GGACT: variants seen among roughly 807,000 people sequenced by gnomAD.
GGACT encodes gamma-glutamylaminecyclotransferase.
For missense variants in GGACT, 241 were observed against 233.2 expected (o/e 1.03, Z -0.22); for synonymous variants, 118 against 115.3 (o/e 1.02, Z -0.15).
At chr13:100,587,677 T>C (rs1875620777) in intron 1 of GGACT, among the ~76,000 whole-genome samples, 1 of 152,204 alleles carries the variant, frequency 6.6e-6, no homozygotes, top group African/African-American at 2.4e-5. Flanking sequence ...TCACCTTTAG[T>C]TTTTCATTAA....
intron 2 of GGACT, among the ~76,000 whole-genome samples, chr13:100,557,311 T>C (rs2088717429): frequency 6.6e-6 from 1 of 152,238 alleles, no homozygotes; most frequent in Non-Finnish European, 1.5e-5. Context: ...GATATGGAAT[T>C]AGTGGTGCGG....
intron 2 of GGACT, among the ~76,000 whole-genome samples, chr13:100,569,692 T>C (rs1221836364): frequency 6.6e-6 from 1 of 152,234 alleles, no homozygotes; most frequent in Non-Finnish European, 1.5e-5. Flanking sequence ...TGCAGTGGGC[T>C]TGAATTTCTC....
intron 2 of GGACT, among the ~76,000 whole-genome samples, chr13:100,551,629 A>C (rs1349613464): frequency 6.6e-6 from 1 of 152,146 alleles, no homozygotes; most frequent in African/African-American, 2.4e-5. Context: ...GGGTCCCCTA[A>C]AATCCAGGAC....
intron 2 of GGACT, among the ~76,000 whole-genome samples, chr13:100,575,976 A>G (rs1328798600): frequency 6.6e-6 from 1 of 152,230 alleles, no homozygotes; most frequent in East Asian, 1.9e-4. Flanking sequence ...TGAAATGCAT[A>G]TAATGAATGG....
intron 2 of GGACT, among the ~76,000 whole-genome samples, chr13:100,575,762 TAAAC>T (rs541563194): frequency 1.4e-4 from 22 of 152,296 alleles, no homozygotes; most frequent in African/African-American, 3.9e-4. Flanking sequence ...AGACCCTGTC[TAAAC>T]AAACAAACAA....
Position 100,550,299 on chromosome 13 carries a change from T to TACACACACAC in GGACT, c.-10-17708_-10-17699dup, listed in dbSNP as rs755235689. On this transcript the variant is annotated intron_variant, in intron 2 of 2. Coordinates refer to ENST00000683975, the MANE Select transcript of GGACT (RefSeq NM_001195087.2). ...AATTAAATCCGAGCCGATTATACTCTACACACACACACACACACACACACA... is the reference window on the plus strand; with the variant it reads ...AATTAAATCCGAGCCGATTATACTCTACACACACACACACACACACACACACACACACACA... Among the ~76,000 whole-genome samples the TACACACACAC allele has an allele frequency of 7.0e-4, 19 of 27,268 alleles. 1 individual carries two copies. The highest frequency in any genetic ancestry group is 1.2e-3 in the Admixed American group (3 of 2,578). 17.9% of individuals were successfully genotyped at this position (27,268 alleles called of 152,430 possible).
chr13:100,579,967 C>G (rs764159171), intron 2 of GGACT: 1 of 152,290 alleles, frequency 6.6e-6, no homozygotes, highest in Admixed American at 6.5e-5. Context: ...GGAATTCACA[C>G]GTGGAACTTA....
chr13:100,566,747 C>T (rs1874898789), intron 2 of GGACT, among the ~76,000 whole-genome samples: 2 of 152,240 alleles, frequency 1.3e-5, no homozygotes, highest in South Asian at 2.1e-4. Flanking sequence ...CCCACAAAGA[C>T]ATCTGATCTC....
At position 100,583,943 on chromosome 13, in the gene GGACT, C is replaced by T. The variant is rs1875490761; in HGVS notation, c.-129G>A. 6.6e-6 allele frequency: 1 copy of T among 152,180 alleles called. No homozygotes were observed. Among genetic ancestry groups the T allele is most frequent in the Non-Finnish European group, 1.5e-5 (1 of 68,032 alleles). 9.4% of individuals were successfully genotyped at this position (152,180 alleles called of 1,614,324 possible). On this transcript the variant is annotated 5_prime_UTR_variant, in exon 2 of 3. Coordinates refer to ENST00000683975, the MANE Select transcript of GGACT (RefSeq NM_001195087.2). ...CACATGATTCAAGAAAAAGTTAAGT[C>T]CACTTCACAGGGTGACCAGAAAGTC...
At chr13:100,549,728 GA>G (rs1217844896) in intron 2 of GGACT, among the ~76,000 whole-genome samples, 6 of 152,154 alleles carry the variant, frequency 3.9e-5, no homozygotes, top group African/African-American at 1.4e-4. Context: ...TAACTACCTG[GA>G]GATCATATAG....
intron 2 of GGACT, among the ~76,000 whole-genome samples, chr13:100,542,938 G>A (rs1044845894): frequency 6.6e-6 from 1 of 152,194 alleles, no homozygotes; most frequent in African/African-American, 2.4e-5. Context: ...CACTGAAGCA[G>A]AACTTGAAAG....
chr13:100,562,383 C>T (rs1454170011), intron 2 of GGACT, among the ~76,000 whole-genome samples: 2 of 152,208 alleles, frequency 1.3e-5, no homozygotes, highest in Non-Finnish European at 2.9e-5. Context: ...AAGGATCATG[C>T]CTGGCACCTC....
At chr13:100,541,118 C>T (rs11840757) in intron 2 of GGACT, among the ~76,000 whole-genome samples, 3,552 of 152,286 alleles carry the variant, frequency 0.023, 142 homozygotes, top group African/African-American at 0.08. Context: ...CTGAGTTTTT[C>T]CAGATTAAAA....
chr13:100,533,264 C>G (rs1374586005), intron 2 of GGACT: 1 of 154,682 alleles, frequency 6.5e-6, no homozygotes, highest in African/African-American at 2.4e-5. Context: ...TACCCCTGCT[C>G]CTGAGCCCAG....
At position 100,558,481 on chromosome 13, in the gene GGACT, T is replaced by C. The variant is rs1293266852; in HGVS notation, c.-11+25344A>G. ...AGAGATACCATTAGAGTGGCTAACA[T>C]TGAAGACTATTAATACCAAGTGTTG... On this transcript the variant is annotated intron_variant, in intron 2 of 2. Coordinates refer to ENST00000683975, the MANE Select transcript of GGACT (RefSeq NM_001195087.2). 5.3e-5 allele frequency among the ~76,000 whole-genome samples: 8 copies of C among 152,330 alleles called. No individual in the cohort carries two copies. The South Asian group carries it at 1.0e-3, about 20-fold the overall frequency.
rs1341184308 is a variant in GGACT at position 100,531,520 on chromosome 13, CG to C, written c.*609del. 1 of 152,168 alleles carries C rather than the reference CG, an allele frequency of 6.6e-6. No individual in the cohort carries two copies. Among genetic ancestry groups the C allele is most frequent in the Non-Finnish European group, 1.5e-5 (1 of 68,024 alleles). 9.4% of individuals were successfully genotyped at this position (152,168 alleles called of 1,614,324 possible). On this transcript the variant is annotated 3_prime_UTR_variant, in exon 3 of 3. Transcript: ENST00000683975. The stretch of plus-strand genomic sequence containing the variant: ...TCTACCAAATAAGTATACCAAAAAA[CG>C]TGGGGGTCAAACACAGTACCAACAC...
intron 2 of GGACT, among the ~76,000 whole-genome samples, chr13:100,574,434 G>C (rs758765519): frequency 2.0e-5 from 3 of 152,112 alleles, no homozygotes; most frequent in Non-Finnish European, 2.9e-5. Flanking sequence ...AAATTAGCTG[G>C]GTGTGGTGGT....
At chr13:100,578,518 G>A (rs140318222) in intron 2 of GGACT, among the ~76,000 whole-genome samples, 61 of 152,266 alleles carry the variant, frequency 4.0e-4, no homozygotes, top group Middle Eastern at 3.4e-3. Context: ...CCGGAACCCT[G>A]GTTCTGCTGG....
chr13:100,532,644 C>T lies in GGACT; in HGVS notation c.-10-43G>A. On this transcript the variant is annotated intron_variant, in intron 2 of 2. Coordinates refer to ENST00000683975, the MANE Select transcript of GGACT (RefSeq NM_001195087.2). Reference sequence around the variant, plus strand: ...GTCACAGGTCAGCCCGCAGTGGGAGCTCTGTGTCTGCACCTGGGACGTGGC... The same window carrying T: ...GTCACAGGTCAGCCCGCAGTGGGAGTTCTGTGTCTGCACCTGGGACGTGGC... 2.1e-6 allele frequency: 3 copies of T among 1,448,614 alleles called. No individual in the cohort carries two copies. In the South Asian group the frequency reaches 4.0e-5, roughly 20 times the overall value. The allele number at this position is 1,448,614 out of a possible 1,614,324, so 89.7% of individuals were successfully genotyped here. A position where few individuals can be genotyped will look rare whatever the true frequency, so the allele number is the denominator to read the frequency against.
Sources: allele counts gnomAD v4.1 joint callset (sites outside exome capture counted in the v4.1 genomes callset), GRCh38; gene constraint gnomAD v4.1.1; transcripts MANE v1.5; gene names NCBI Gene and HGNC (gene_info 2026-07-23, HGNC 2026-07-21).